The following ASPH variants were observed in gnomAD, a reference collection of about 807,000 sequenced individuals.
ASPH encodes the protein aspartate beta-hydroxylase, also known as aspartyl/asparaginyl beta-hydroxylase.
ASPH carries 100 observed loss-of-function variants against 118.4 expected under a neutral mutation model. The ratio of observed to expected loss-of-function variants is 0.84; its 90% confidence interval spans 0.72 to 1.00. The LOEUF (loss-of-function observed/expected upper bound fraction) is 1.00. ASPH is among the 50% of genes least tolerant of loss of function. The pLI is 0.00. For synonymous variants in ASPH, 315 were observed against 325.6 expected (o/e 0.97, Z 0.35); for missense variants, 920 against 919.5 (o/e 1.00, Z -0.01).
chr8:61,624,838 A>G (rs777378469), intron 13 of ASPH: 68 of 985,504 alleles, frequency 6.9e-5, no homozygotes, highest in Non-Finnish European at 2.0e-5. Flanking sequence ...CAAAATGAAG[A>G]GTTTTATTAT....
At chr8:61,579,177 G>C in intron 15 of ASPH, 1 of 1,612,634 alleles carries the variant, frequency 6.2e-7, no homozygotes, top group Non-Finnish European at 8.5e-7. Context: ...GCTCCAGGCT[G>C]AGATTGAGGG....
chr8:61,533,931 G>A (rs1818507407), intron 21 of ASPH, among the ~76,000 whole-genome samples: 1 of 152,154 alleles, frequency 6.6e-6, no homozygotes, highest in African/African-American at 2.4e-5. Flanking sequence ...CATGTGCTCA[G>A]TTTGTTTAAT....
intron 15 of ASPH, among the ~76,000 whole-genome samples, chr8:61,582,298 C>T (rs1268181687): frequency 6.6e-6 from 1 of 152,198 alleles, no homozygotes; most frequent in Non-Finnish European, 1.5e-5. Flanking sequence ...CATATAATTA[C>T]ATTAAAATCC....
chr8:61,520,288 C>T (rs1014537052), intron 22 of ASPH, among the ~76,000 whole-genome samples: 6 of 152,132 alleles, frequency 3.9e-5, no homozygotes, highest in East Asian at 1.9e-4. Flanking sequence ...TCTGCTCTAA[C>T]GGGGGAGTAA....
intron 24 of ASPH, among the ~76,000 whole-genome samples, chr8:61,507,515 C>T (rs1807077552): frequency 6.6e-6 from 1 of 152,094 alleles, no homozygotes; most frequent in Non-Finnish European, 1.5e-5. Context: ...GTCTTTCAAT[C>T]AGTTATTAGA....
intron 18 of ASPH, among the ~76,000 whole-genome samples, chr8:61,561,825 G>A (rs1424398546): frequency 6.6e-6 from 1 of 152,214 alleles, no homozygotes; most frequent in African/African-American, 2.4e-5. Flanking sequence ...CTACTTAAGA[G>A]GCTGAAGCAG....
intron 3 of ASPH, among the ~76,000 whole-genome samples, chr8:61,666,890 T>C (rs936332601): frequency 6.6e-6 from 1 of 152,232 alleles, no homozygotes; most frequent in Non-Finnish European, 1.5e-5. Flanking sequence ...TCATGTCTTA[T>C]TCTGAAAACT....
At chr8:61,576,052 T>C (rs1006737622) in intron 16 of ASPH, among the ~76,000 whole-genome samples, 2 of 152,190 alleles carry the variant, frequency 1.3e-5, no homozygotes, top group African/African-American at 4.8e-5. Flanking sequence ...CTTGAGTCTT[T>C]CCCATGTAGC....
At chr8:61,694,267 G>A (rs1037839035) in intron 1 of ASPH, among the ~76,000 whole-genome samples, 4 of 151,856 alleles carry the variant, frequency 2.6e-5, no homozygotes, top group Non-Finnish European at 5.9e-5. Flanking sequence ...GTCTCTTCTC[G>A]CCCCTTCTCC....
intron 1 of ASPH, among the ~76,000 whole-genome samples, chr8:61,708,203 A>G (rs926993504): frequency 1.3e-5 from 2 of 152,216 alleles, no homozygotes; most frequent in African/African-American, 4.8e-5. Context: ...TCAAATACAT[A>G]CAATTTTAAA....
rs41469447 is a variant in ASPH, at chr8:61,517,381, T to C, written c.2126+147A>G. Reference sequence around the variant, plus strand: ...TAATAGAAAGCACCAAGAAGGGATATAGACTTAAGAGTTTGGATTAATATC... The same window carrying C: ...TAATAGAAAGCACCAAGAAGGGATACAGACTTAAGAGTTTGGATTAATATC... On this transcript the variant is annotated intron_variant, in intron 24 of 24. Coordinates refer to ENST00000379454, the MANE Select transcript of ASPH (RefSeq NM_004318.4). The C allele has an allele frequency of 1.9e-3, 2,205 of 1,180,036 alleles. 29 individuals carry two copies. The African/African-American group carries it at 0.031, about 17-fold the overall frequency. 73.1% of individuals were successfully genotyped at this position (1,180,036 alleles called of 1,614,324 possible).
At chr8:61,633,535 G>T in intron 13 of ASPH, 148 bp downstream of exon 13, 1 of 642,700 alleles carries the variant, frequency 1.6e-6, no homozygotes, top group Non-Finnish European at 2.5e-6. Flanking sequence ...TGGTTGAACT[G>T]ATCAAAACAG....
intron 3 of ASPH, among the ~76,000 whole-genome samples, chr8:61,668,476 AT>A (rs1458070171): frequency 1.3e-5 from 2 of 152,230 alleles, no homozygotes; most frequent in African/African-American, 4.8e-5. Flanking sequence ...ATATAAATGC[AT>A]TATAATCAGC....
intron 3 of ASPH, chr8:61,668,210 G>C (rs768831632): frequency 1.6e-5 from 26 of 1,587,676 alleles, no homozygotes; most frequent in Non-Finnish European, 2.1e-5. Context: ...TTCACTCAAG[G>C]CTAATTTGAA....
chr8:61,535,080 C>T (rs1347493213), intron 21 of ASPH, among the ~76,000 whole-genome samples: 2 of 152,194 alleles, frequency 1.3e-5, no homozygotes, highest in Admixed American at 6.5e-5. Flanking sequence ...AATTGGACTA[C>T]GGTCCACCCT....
chr8:61,688,985 GAGTT>G (rs1027776725), intron 1 of ASPH, among the ~76,000 whole-genome samples: 1 of 152,168 alleles, frequency 6.6e-6, no homozygotes, highest in African/African-American at 2.4e-5. Context: ...AGACAGCTGA[GAGTT>G]AGAAGCAGTT....
At chr8:61,673,944 A>C (rs1030188605) in intron 3 of ASPH, among the ~76,000 whole-genome samples, 4 of 152,250 alleles carry the variant, frequency 2.6e-5, no homozygotes, top group Admixed American at 2.0e-4. Flanking sequence ...GAGGTGGTAC[A>C]AAATAAGTAG....
intron 16 of ASPH, among the ~76,000 whole-genome samples, chr8:61,570,591 A>G (rs1251311068): frequency 6.6e-6 from 1 of 152,200 alleles, no homozygotes; most frequent in Non-Finnish European, 1.5e-5. Context: ...AACATTTACA[A>G]CTTGCAGAAT....
At chr8:61,615,757 C>T (rs1025660452) in intron 14 of ASPH, among the ~76,000 whole-genome samples, 2 of 152,136 alleles carry the variant, frequency 1.3e-5, no homozygotes, top group Non-Finnish European at 2.9e-5. Flanking sequence ...TGATTTGACT[C>T]AAGTAACAGA....
Sources: allele counts gnomAD v4.1 joint callset (sites outside exome capture counted in the v4.1 genomes callset), GRCh38; gene constraint gnomAD v4.1.1; transcripts MANE v1.5; gene names NCBI Gene and HGNC (gene_info 2026-07-23, HGNC 2026-07-21).